Variants in TOR1AIP1 observed in about 807,000 individuals in gnomAD.
The protein encoded by TOR1AIP1 is torsin-1A-interacting protein 1.
In TOR1AIP1, 54 loss-of-function variants were observed where a neutral mutation model predicts 63.3. That is an observed-to-expected ratio of 0.85 (90% CI 0.69 to 1.07). The LOEUF (loss-of-function observed/expected upper bound fraction) is 1.07, where lower values mean the gene tolerates loss of function less well. Ranked by LOEUF, TOR1AIP1 falls within the 50% of genes least tolerant of loss-of-function variation. TOR1AIP1 has a pLI of 0.00. For missense variants in TOR1AIP1, 736 were observed against 715.0 expected (o/e 1.03, Z -0.33); for synonymous variants, 294 against 273.5 (o/e 1.07, Z -0.74).
chr1:179,884,601 C>T, intron 1 of TOR1AIP1, 91 bp from the exon 2 acceptor site: 1 of 1,072,266 alleles, frequency 9.3e-7, no homozygotes, highest in Non-Finnish European at 1.3e-6. Flanking sequence ...TGAATTTTTG[C>T]TTATGTATTG....
intron 2 of TOR1AIP1, among the ~76,000 whole-genome samples, chr1:179,885,217 G>A (rs893197126): frequency 3.3e-5 from 5 of 152,136 alleles, no homozygotes; most frequent in African/African-American, 1.2e-4. Flanking sequence ...GTTTAATACT[G>A]TGGTTTATCA....
intron 8 of TOR1AIP1, among the ~76,000 whole-genome samples, chr1:179,911,991 T>G (rs1648852398): frequency 1.5e-5 from 2 of 129,792 alleles, no homozygotes; most frequent in Non-Finnish European, 3.3e-5. Context: ...TTCTTTTTTT[T>G]TTTCTTTTTT....
At chr1:179,883,324 G>C (rs1647801133) in intron 1 of TOR1AIP1, among the ~76,000 whole-genome samples, 1 of 152,188 alleles carries the variant, frequency 6.6e-6, no homozygotes, top group African/African-American at 2.4e-5. Flanking sequence ...TTTCATTTCG[G>C]TTCCCTCTAC....
At chr1:179,883,914 G>A (rs1258175158) in intron 1 of TOR1AIP1, 1 of 293,952 alleles carries the variant, frequency 3.4e-6, no homozygotes, top group African/African-American at 2.2e-5. Flanking sequence ...AAAATCAGCG[G>A]ACCTGAGTCA....
In TOR1AIP1 at chr1:179,882,454, A is replaced by G. The variant is rs1436125706; in HGVS notation, c.-49A>G. Reference sequence around the variant, plus strand: ...ATCGCCACCACCGGCAGGAGAACCTAGGGTCCATAAAGCCATCTTCGCGAT... The same window carrying G: ...ATCGCCACCACCGGCAGGAGAACCTGGGGTCCATAAAGCCATCTTCGCGAT... On this transcript the variant is annotated 5_prime_UTR_variant, in exon 1 of 10. Coordinates refer to ENST00000606911, the MANE Select transcript of TOR1AIP1 (RefSeq NM_015602.4). 1.4e-6 allele frequency: 2 copies of G among 1,383,242 alleles called. No homozygotes were observed. Among genetic ancestry groups the G allele is most frequent in the African/African-American group, 1.5e-5 (1 of 67,266 alleles). The allele number at this position is 1,383,242 out of a possible 1,614,324, so 85.7% of individuals were successfully genotyped here.
chr1:179,883,832 C>A (rs1647823982), intron 1 of TOR1AIP1: 1 of 363,318 alleles, frequency 2.8e-6, no homozygotes, highest in Non-Finnish European at 5.5e-6. Flanking sequence ...CCCTGCCCCC[C>A]CCATTTTAGG....
intron 2 of TOR1AIP1, among the ~76,000 whole-genome samples, chr1:179,888,778 G>A (rs544367777): frequency 6.6e-5 from 10 of 152,264 alleles, no homozygotes; most frequent in Non-Finnish European, 8.8e-5. Flanking sequence ...CGGCTTCTCC[G>A]CTATCCCTAT....
chr1:179,882,556 C>G lies in TOR1AIP1; in HGVS notation c.54C>G (p.Tyr18Ter). 6.6e-7 allele frequency: 1 copy of G among 1,504,888 alleles called. No individual in the cohort carries two copies. Among genetic ancestry groups the G allele is most frequent in the Admixed American group, 2.4e-5 (1 of 41,618 alleles). 93.2% of individuals were successfully genotyped at this position (1,504,888 alleles called of 1,614,324 possible). ...AEAVREGWGV[Y>*]VTPRAPIREG... is the part of the protein sequence containing the mutation. ...CGGTGCGGGAAGGATGGGGTGTGTA[C>G]GTCACCCCCAGGGCCCCCATCCGAG... Residue 18 changes from tyrosine (Y) to a stop codon, truncating the protein, a stop_gained, in exon 1 of 10, where the codon TAC becomes TAG. Transcript: ENST00000606911. LOFTEE classifies it high-confidence loss of function.
chr1:179,885,702 A>G (rs1006422823), intron 2 of TOR1AIP1, among the ~76,000 whole-genome samples: 1 of 152,168 alleles, frequency 6.6e-6, no homozygotes, highest in Non-Finnish European at 1.5e-5. Flanking sequence ...GTCTGGTTCA[A>G]GTTGAGTTTC....
intron 8 of TOR1AIP1, among the ~76,000 whole-genome samples, chr1:179,912,574 T>TGC (rs761457003): frequency 1.3e-5 from 2 of 152,214 alleles, no homozygotes; most frequent in Non-Finnish European, 2.9e-5. Flanking sequence ...ATTTGATCTT[T>TGC]GCAACCATGG....
rs150530440 is a variant in TOR1AIP1, at chr1:179,884,759, A to G, written c.543A>G (p.Gln181=). ...TISKKTVRSI[Q]EAPVSEDLVI... ...CAAAGAAAACTGTCAGGAGCATACAAGAGGCTCCAGGTAAGAATAGTTAAC... is the reference window on the plus strand; with the variant it reads ...CAAAGAAAACTGTCAGGAGCATACAGGAGGCTCCAGGTAAGAATAGTTAAC... Residue 181 remains glutamine, a synonymous_variant, in exon 2 of 10, where the codon CAA becomes CAG. Coordinates refer to ENST00000606911, the MANE Select transcript of TOR1AIP1 (RefSeq NM_015602.4). The G allele has an allele frequency of 5.2e-5, 84 of 1,608,502 alleles. No homozygotes were observed. The highest frequency in any genetic ancestry group is 6.8e-5 in the Non-Finnish European group (80 of 1,178,238).
In TOR1AIP1 at chr1:179,904,492, T is replaced by G. The variant is rs72708658; in HGVS notation, c.796+470T>G. Among the ~76,000 whole-genome samples the G allele has an allele frequency of 4.0e-3, 607 of 152,332 alleles. 4 individuals carry two copies. The highest frequency in any genetic ancestry group is 6.6e-3 in the Non-Finnish European group (451 of 68,018). On this transcript the variant is annotated intron_variant, in intron 6 of 9. Transcript: ENST00000606911. ...TGGTTATGGGTATATAAATATTCAT[T>G]TCAGTCTTACAACTGAAAATTTTTG...
At chr1:179,885,359 A>G (rs146711660) in intron 2 of TOR1AIP1, among the ~76,000 whole-genome samples, 84 of 152,356 alleles carry the variant, frequency 5.5e-4, no homozygotes, top group African/African-American at 1.9e-3. Flanking sequence ...CCAATTTCAA[A>G]GATGTTAAAG....
chr1:179,889,413 A>T (rs578059555), intron 3 of TOR1AIP1, 44 bp downstream of exon 3: 2 of 1,503,546 alleles, frequency 1.3e-6, no homozygotes, highest in Non-Finnish European at 1.8e-6. Context: ...TTATAAATAC[A>T]GTTTTATTTT....
At chr1:179,899,663 G>C (rs1648386662) in intron 3 of TOR1AIP1, among the ~76,000 whole-genome samples, 1 of 151,972 alleles carries the variant, frequency 6.6e-6, no homozygotes, top group African/African-American at 2.4e-5. Context: ...TTTTCTGTTT[G>C]AGACAGAGTC....
At chr1:179,884,918 T>G in intron 2 of TOR1AIP1, 149 bp downstream of exon 2, 1 of 549,086 alleles carries the variant, frequency 1.8e-6, no homozygotes, top group Non-Finnish European at 3.2e-6. Context: ...CCTTGTAAGA[T>G]AGGTATTATA....
rs574181360 is a variant in TOR1AIP1 at position 179,884,013 on chromosome 1, C to G, written c.476-679C>G. The G allele has an allele frequency of 1.7e-5, 3 of 179,928 alleles. No homozygotes were observed. In the East Asian group the frequency reaches 4.4e-4, roughly 27 times the overall value. The allele number at this position is 179,928 out of a possible 1,614,324, so 11.1% of individuals were successfully genotyped here. ...GCACGGTGATAGGCTGCAAGTTTAC[C>G]TGCTGACTCGTGAAGGTACTGACAG... On this transcript the variant is annotated intron_variant, in intron 1 of 9. Coordinates refer to ENST00000606911, the MANE Select transcript of TOR1AIP1 (RefSeq NM_015602.4).
intron 7 of TOR1AIP1, 137 bp downstream of exon 7, chr1:179,908,001 TG>T: frequency 1.8e-6 from 1 of 545,114 alleles, no homozygotes; most frequent in Non-Finnish European, 2.9e-6. Context: ...CTCCACCTCC[TG>T]GGTTCACGCG....
chr1:179,897,937 A>C (rs1460483847), intron 3 of TOR1AIP1, among the ~76,000 whole-genome samples: 3 of 152,014 alleles, frequency 2.0e-5, no homozygotes, highest in Admixed American at 1.3e-4. Context: ...CCTTGTCTCT[A>C]CAAAAAGTAT....
Sources: gnomAD v4.1 joint callset for allele counts (sites outside exome capture counted in the v4.1 genomes callset) on GRCh38, gnomAD v4.1.1 for gene constraint, MANE v1.5 for transcripts, NCBI Gene and HGNC (gene_info 2026-07-23, HGNC 2026-07-21) for gene names.